Variants in EFNB2 observed in about 807,000 individuals in gnomAD.
The protein encoded by EFNB2 is ephrin B2.
Under a neutral mutation model 32.1 loss-of-function variants are expected in EFNB2, and 5 were observed. The observed-to-expected ratio is 0.16, with a 90% CI of 0.08 to 0.33. EFNB2 has a LOEUF of 0.33. Among genes scored for constraint, EFNB2 ranks in the 10% least tolerant of loss-of-function variants. EFNB2 has a pLI of 1.00. For missense variants in EFNB2, 263 were observed against 422.6 expected, an observed-to-expected ratio of 0.62 and a Z score of 3.31; for synonymous variants, 168 against 166.5, an observed-to-expected ratio of 1.01 and a Z score of -0.07.
At chr13:106,496,185 G>C (rs1878583119) in intron 2 of EFNB2, among the ~76,000 whole-genome samples, 1 of 152,158 alleles carries the variant, frequency 6.6e-6, no homozygotes, top group East Asian at 1.9e-4. Context: ...GCCAAACTCA[G>C]AAGAGCAAAA....
intron 1 of EFNB2, among the ~76,000 whole-genome samples, chr13:106,532,574 G>T (rs1286440916): frequency 1.3e-5 from 2 of 152,194 alleles, no homozygotes; most frequent in Non-Finnish European, 2.9e-5. Context: ...TCTTTCCTAT[G>T]GCTCCTACAG....
intron 1 of EFNB2, chr13:106,517,184 T>C (rs1244100795): frequency 6.6e-6 from 1 of 152,232 alleles, no homozygotes; most frequent in African/African-American, 2.4e-5. Context: ...TGATGATAAC[T>C]GGCTAAGTTT....
rs1880018343 is a variant in EFNB2, at chr13:106,534,959, A to G, written c.6T>C (p.Ala2=). 1 of 1,613,016 alleles carries G rather than the reference A, an allele frequency of 6.2e-7. No individual in the cohort carries two copies. The highest frequency in any genetic ancestry group is 8.5e-7 in the Non-Finnish European group (1 of 1,179,444). ...ACTTCCACACGGAGTCCCTTCTCACAGCCATGGCGAAGCCACTCCCAGCTC... is the reference window on the plus strand; with the variant it reads ...ACTTCCACACGGAGTCCCTTCTCACGGCCATGGCGAAGCCACTCCCAGCTC... M[A]VRRDSVWKYC... The change falls in exon 1 of 5, where the codon GCT becomes GCC. Residue 2 remains alanine, a synonymous_variant. Transcript: ENST00000646441.
chr13:106,506,680 C>T (rs969783928), intron 2 of EFNB2: 1 of 152,226 alleles, frequency 6.6e-6, no homozygotes, highest in Non-Finnish European at 1.5e-5. Flanking sequence ...CAGCCGAACA[C>T]AGGTCTGCCT....
At chr13:106,526,584 A>AGG (rs5806590) in intron 1 of EFNB2, among the ~76,000 whole-genome samples, 4 of 151,904 alleles carry the variant, frequency 2.6e-5, no homozygotes, top group Admixed American at 2.0e-4. Context: ...TCCCATAGCA[A>AGG]GGGGGGGATT....
chr13:106,512,421 T>A, intron 2 of EFNB2, 108 bp downstream of exon 2: 1 of 740,198 alleles, frequency 1.4e-6, no homozygotes, highest in Non-Finnish European at 1.9e-6. Flanking sequence ...TCCACATAGA[T>A]TTTCATCAAA....
At chr13:106,496,492 C>G (rs937905772) in intron 2 of EFNB2, among the ~76,000 whole-genome samples, 1 of 152,214 alleles carries the variant, frequency 6.6e-6, no homozygotes, top group Non-Finnish European at 1.5e-5. Context: ...TCAACCTCTT[C>G]AACCAAACTA....
chr13:106,532,069 A>C lies in EFNB2; in HGVS notation c.122+2774T>G, dbSNP rs969550566. Reference sequence around the variant, plus strand: ...TCTCTGCTGAATTAAAAAAAAAACAAAAAAAAAACCAAAACTTTAAACAAC... The same window carrying C: ...TCTCTGCTGAATTAAAAAAAAAACACAAAAAAAACCAAAACTTTAAACAAC... On this transcript the variant is annotated intron_variant, in intron 1 of 4. Transcript: ENST00000646441. 7.7e-5 allele frequency among the ~76,000 whole-genome samples: 6 copies of C among 78,242 alleles called. 1 individual carries two copies. 51.3% of individuals were successfully genotyped at this position (78,242 alleles called of 152,430 possible). A position where few individuals can be genotyped will look rare whatever the true frequency, so the allele number is the denominator to read the frequency against.
At chr13:106,495,610 G>T in intron 3 of EFNB2, 138 bp downstream of exon 3, 1 of 764,242 alleles carries the variant, frequency 1.3e-6, no homozygotes, top group Non-Finnish European at 2.1e-6. Flanking sequence ...ATCTGTCAGT[G>T]GCTCAAAGTG....
At chr13:106,497,614 G>A (rs1175049409) in intron 2 of EFNB2, among the ~76,000 whole-genome samples, 4 of 151,968 alleles carry the variant, frequency 2.6e-5, no homozygotes, top group East Asian at 1.9e-4. Flanking sequence ...ATATGTATAC[G>A]TGTGCCATGT....
At position 106,493,556 on chromosome 13, in the gene EFNB2, C is replaced by T. The variant is rs3742159; in HGVS notation, c.614-128G>A. The T allele has an allele frequency of 0.28, 354,246 of 1,282,180 alleles. 50,196 individuals carry two copies. Among genetic ancestry groups the T allele is most frequent in the East Asian group, 0.44 (17,773 of 40,342 alleles). The allele number at this position is 1,282,180 out of a possible 1,614,324, so 79.4% of individuals were successfully genotyped here. ...ATTACTAACTAGAAGCTGGACTTTGCCTCGCCAATACCTCGTCTAAGAGCT... is the reference window on the plus strand; with the variant it reads ...ATTACTAACTAGAAGCTGGACTTTGTCTCGCCAATACCTCGTCTAAGAGCT... On this transcript the variant is annotated intron_variant, in intron 4 of 4. Coordinates refer to ENST00000646441, the MANE Select transcript of EFNB2 (RefSeq NM_004093.4). This position sits in a 1 kb window ranked among gnomAD's most constrained non-coding sequence, Gnocchi z 6.1.
At chr13:106,509,257 A>C (rs1178517659) in intron 2 of EFNB2, among the ~76,000 whole-genome samples, 1 of 152,202 alleles carries the variant, frequency 6.6e-6, no homozygotes, top group African/African-American at 2.4e-5. Flanking sequence ...AATGCAAGTC[A>C]GTCCCTCTGG....
At position 106,534,864 on chromosome 13, in the gene EFNB2, T is replaced by C; in HGVS notation, c.101A>G (p.Tyr34Cys). Reference sequence around the variant, plus strand: ...TTACTTGGAGTTCGAGGAATTCCAATAGATAGGCTCTAAAACTATCGATTT... The same window carrying C: ...TTACTTGGAGTTCGAGGAATTCCAACAGATAGGCTCTAAAACTATCGATTT... ...ISKSIVLEPI[Y>C]WNSSNSKFLP... Residue 34 changes from tyrosine (Y) to cysteine (C), a missense_variant, in exon 1 of 5, where the codon TAT becomes TGT. Tyr to Cys is a radical substitution (Grantham distance 194). Around this residue, in one of 3 missense-constraint regions of EFNB2, gnomAD observed 46 missense variants for 56.9 expected, o/e 0.81. Coordinates refer to ENST00000646441, the MANE Select transcript of EFNB2 (RefSeq NM_004093.4). 1.2e-6 allele frequency: 2 copies of C among 1,612,836 alleles called. No individual in the cohort carries two copies. The highest frequency in any genetic ancestry group is 2.2e-5 in the East Asian group (1 of 44,686).
intron 1 of EFNB2, among the ~76,000 whole-genome samples, chr13:106,529,621 C>T (rs1199067330): frequency 6.6e-6 from 1 of 152,208 alleles, no homozygotes; most frequent in East Asian, 1.9e-4. Context: ...GCCTTCGTCC[C>T]GCGCCCTTTT....
At chr13:106,523,177 A>C (rs1879590964) in intron 1 of EFNB2, among the ~76,000 whole-genome samples, 1 of 152,130 alleles carries the variant, frequency 6.6e-6, no homozygotes, top group Non-Finnish European at 1.5e-5. Context: ...AAGTTAGGGA[A>C]GAAAAGGAAG....
chr13:106,516,444 T>C (rs899714633), intron 1 of EFNB2: 1 of 152,212 alleles, frequency 6.6e-6, no homozygotes, highest in Non-Finnish European at 1.5e-5. Context: ...ATACATCCCA[T>C]GTTCTTCATT....
Position 106,493,537 on chromosome 13 carries a change from A to C in EFNB2, c.614-109T>G. 1 of 1,413,654 alleles carries C rather than the reference A, an allele frequency of 7.1e-7. No individual in the cohort carries two copies. Among genetic ancestry groups the C allele is most frequent in the Non-Finnish European group, 9.4e-7 (1 of 1,060,468 alleles). The allele number at this position is 1,413,654 out of a possible 1,614,324, so 87.6% of individuals were successfully genotyped here. A position where few individuals can be genotyped will look rare whatever the true frequency, so the allele number is the denominator to read the frequency against. ...TGAAAAATAAGCCAGGCTTATTACTAACTAGAAGCTGGACTTTGCCTCGCC... is the reference window on the plus strand; with the variant it reads ...TGAAAAATAAGCCAGGCTTATTACTCACTAGAAGCTGGACTTTGCCTCGCC... On this transcript the variant is annotated intron_variant, in intron 4 of 4. Transcript: ENST00000646441. This position sits in a 1 kb window ranked among gnomAD's most constrained non-coding sequence, Gnocchi z 6.1.
intron 2 of EFNB2, among the ~76,000 whole-genome samples, chr13:106,501,020 A>G (rs985519720): frequency 1.3e-5 from 2 of 152,238 alleles, no homozygotes; most frequent in African/African-American, 4.8e-5. Flanking sequence ...AAGAAGGCTG[A>G]TAAAAAAATA....
At chr13:106,522,471 A>T (rs1032505863) in intron 1 of EFNB2, among the ~76,000 whole-genome samples, 2 of 152,208 alleles carry the variant, frequency 1.3e-5, no homozygotes, top group African/African-American at 4.8e-5. Context: ...TTTAGATATG[A>T]GTGTTCAAAT....
Sources: gnomAD v4.1 joint callset for allele counts (sites outside exome capture counted in the v4.1 genomes callset) on GRCh38, gnomAD v4.1.1 for gene constraint, gnomAD v4.1.1 regional missense constraint, Gnocchi (gnomAD v3.1) non-coding constraint, MANE v1.5 for transcripts, NCBI Gene and HGNC (gene_info 2026-07-23, HGNC 2026-07-21) for gene names.